PCSK2: variants seen among roughly 807,000 people sequenced by gnomAD.
PCSK2 encodes the protein neuroendocrine convertase 2.
A neutral mutation model predicts 69.7 loss-of-function variants in PCSK2; 14 were observed. The observed-to-expected ratio is 0.20, with a 90% CI of 0.13 to 0.31. PCSK2 has a LOEUF of 0.31. PCSK2 is among the 10% of genes least tolerant of loss of function. The pLI, the probability that PCSK2 is intolerant of heterozygous loss-of-function variation, is 1.00. For synonymous variants in PCSK2, 307 were observed against 320.7 expected (o/e 0.96, Z 0.46); for missense variants, 544 against 842.5 (o/e 0.65, Z 4.39).
chr20:17,267,108 C>T (rs1471415613), intron 2 of PCSK2, among the ~76,000 whole-genome samples: 7 of 152,118 alleles, frequency 4.6e-5, no homozygotes, highest in Non-Finnish European at 1.0e-4. Context: ...GTGCCCAATC[C>T]AGCTCCCCAT....
chr20:17,351,767 G>T (rs1430991353), intron 2 of PCSK2, among the ~76,000 whole-genome samples: 1 of 152,062 alleles, frequency 6.6e-6, no homozygotes, highest in Non-Finnish European at 1.5e-5. Context: ...AAACTGGAAG[G>T]ATTCCCCTTG....
intron 2 of PCSK2, among the ~76,000 whole-genome samples, chr20:17,308,897 G>T (rs181713332): frequency 3.3e-4 from 50 of 152,226 alleles, no homozygotes; most frequent in Admixed American, 2.4e-3. Flanking sequence ...GCTTCTTGAG[G>T]CCTAACCTGA....
At chr20:17,255,495 C>T (rs578019968) in intron 1 of PCSK2, among the ~76,000 whole-genome samples, 1 of 152,224 alleles carries the variant, frequency 6.6e-6, no homozygotes, top group Admixed American at 6.5e-5. Context: ...GAGCCTGCCA[C>T]CACGCCCAGC....
At chr20:17,382,945 C>T (rs1330412653) in intron 5 of PCSK2, among the ~76,000 whole-genome samples, 1 of 152,188 alleles carries the variant, frequency 6.6e-6, no homozygotes, top group Non-Finnish European at 1.5e-5. Context: ...ACTTATATTG[C>T]ACACCCTGTG....
At chr20:17,312,586 C>T (rs1989551178) in intron 2 of PCSK2, among the ~76,000 whole-genome samples, 1 of 152,044 alleles carries the variant, frequency 6.6e-6, no homozygotes, top group South Asian at 2.1e-4. Flanking sequence ...TGACCTGACC[C>T]CCAGTTAGGA....
At chr20:17,448,673 G>A (rs1034243969) in intron 8 of PCSK2, among the ~76,000 whole-genome samples, 2 of 151,978 alleles carry the variant, frequency 1.3e-5, no homozygotes, top group Admixed American at 6.6e-5. Flanking sequence ...AAACACACAT[G>A]GTTGTGATCA....
intron 11 of PCSK2, among the ~76,000 whole-genome samples, chr20:17,467,180 T>G (rs1284942461): frequency 3.9e-5 from 6 of 152,210 alleles, no homozygotes. Context: ...CAATCTTGAC[T>G]TCACCAACTT....
At position 17,329,829 on chromosome 20, in the gene PCSK2, T is replaced by G. The variant is rs1216838281; in HGVS notation, c.283-28498T>G. Among the ~76,000 whole-genome samples the G allele has an allele frequency of 3.3e-5, 5 of 152,320 alleles. No homozygotes were observed. In the East Asian group the frequency reaches 9.6e-4, roughly 29 times the overall value. On this transcript the variant is annotated intron_variant, in intron 2 of 11. Transcript: ENST00000262545. ...CAGTGTGGAAAATTCAAGAAGTATA[T>G]GAAGGAAAAACAGAAATCTCCCTCT... is the stretch of plus-strand genomic sequence containing the variant.
rs78170931 is a variant in PCSK2 at position 17,306,551 on chromosome 20, C to T, written c.282+46207C>T. On this transcript the variant is annotated intron_variant, in intron 2 of 11. Coordinates refer to ENST00000262545, the MANE Select transcript of PCSK2 (RefSeq NM_002594.5). ...AAAAGTTTGACCAGGCCTCATTGCA[C>T]AAGTGGAGTGCTAATGAGAAATGGG... Among the ~76,000 whole-genome samples the T allele has an allele frequency of 3.7e-3, 566 of 152,284 alleles. 8 individuals are homozygous for T. The highest frequency in any genetic ancestry group is 0.012 in the African/African-American group (517 of 41,550).
At chr20:17,370,151 A>G (rs2030715332) in intron 5 of PCSK2, among the ~76,000 whole-genome samples, 1 of 152,230 alleles carries the variant, frequency 6.6e-6, no homozygotes, top group Non-Finnish European at 1.5e-5. Flanking sequence ...ACTTAAAATT[A>G]TCCAAACTAT....
At chr20:17,358,127 G>A (rs974426237) in intron 2 of PCSK2, among the ~76,000 whole-genome samples, 200 bp from the exon 3 acceptor site, 4 of 139,750 alleles carry the variant, frequency 2.9e-5, no homozygotes, top group South Asian at 2.2e-4. Context: ...GAAACATAGC[G>A]AGACCCCCCC....
At position 17,427,845 on chromosome 20, in the gene PCSK2, C is replaced by T. The variant is rs541484612; in HGVS notation, c.621-1590C>T. Among the ~76,000 whole-genome samples, 4 of 152,260 alleles carry T rather than the reference C, an allele frequency of 2.6e-5. No individual in the cohort carries two copies. The South Asian group carries it at 6.2e-4, about 24-fold the overall frequency. On this transcript the variant is annotated intron_variant, in intron 6 of 11. Coordinates refer to ENST00000262545, the MANE Select transcript of PCSK2 (RefSeq NM_002594.5). ...TATGTGTCTTTCATCATCCAATAGG[C>T]TAGCCCGGGCTTACTCACATGGAGC...
intron 5 of PCSK2, among the ~76,000 whole-genome samples, chr20:17,390,703 G>T (rs1434719153): frequency 6.6e-6 from 1 of 152,006 alleles, no homozygotes; most frequent in African/African-American, 2.4e-5. Flanking sequence ...TTCCTTATTT[G>T]CCTTTTTAAT....
intron 7 of PCSK2, among the ~76,000 whole-genome samples, chr20:17,429,762 C>T (rs2032326806): frequency 6.6e-6 from 1 of 151,992 alleles, no homozygotes; most frequent in African/African-American, 2.4e-5. Flanking sequence ...ATGACTTTTC[C>T]CAAACTGGCC....
chr20:17,322,971 C>T (rs537002238), intron 2 of PCSK2, among the ~76,000 whole-genome samples: 1 of 152,258 alleles, frequency 6.6e-6, no homozygotes, highest in African/African-American at 2.4e-5. Flanking sequence ...TCAAGTGATT[C>T]TCCTGCCTCA....
At position 17,481,977 on chromosome 20, in the gene PCSK2, G is replaced by A. The variant is rs752157054; in HGVS notation, c.1824G>A (p.Gln608=). 6.2e-7 allele frequency: 1 copy of A among 1,612,946 alleles called. No individual in the cohort carries two copies. Among genetic ancestry groups the A allele is most frequent in the Non-Finnish European group, 8.5e-7 (1 of 1,179,790 alleles). ...TCGACCAGGTGGTGCGGGATTACCA[G>A]TCCAAGTTGGCCATGTCCAAGAAAG... ...PYIDQVVRDY[Q]SKLAMSKKEE... The change falls in exon 12 of 12, where the codon CAG becomes CAA. Residue 608 remains glutamine, a synonymous_variant. Transcript: ENST00000262545.
chr20:17,470,324 T>C (rs6075213), intron 11 of PCSK2, among the ~76,000 whole-genome samples: 93,084 of 152,054 alleles, frequency 0.61, 29,045 homozygotes, highest in South Asian at 0.78. Flanking sequence ...TTAATTTAAA[T>C]TTAAATAGCA....
rs113487407 is a variant in PCSK2, at chr20:17,481,413, A to AAAAAAGAG, written c.1431-170_1431-169insAAAAGAGA. On this transcript the variant is annotated intron_variant, in intron 11 of 11. Transcript: ENST00000262545. Reference sequence around the variant, plus strand: ...CAAAAAAAAAAAAAAAAAAAAAAAAAAGAGATAAGTAACTTACTCAGGCTC... The same window carrying AAAAAAGAG: ...CAAAAAAAAAAAAAAAAAAAAAAAAAAAAAAGAGAGAGATAAGTAACTTACTCAGGCTC... Among the ~76,000 whole-genome samples the AAAAAAGAG allele has an allele frequency of 1.2e-3, 136 of 115,822 alleles. 17 individuals carry two copies. Among genetic ancestry groups the AAAAAAGAG allele is most frequent in the African/African-American group, 2.4e-3 (62 of 25,834 alleles). The allele number at this position is 115,822 out of a possible 152,430, so 76.0% of individuals were successfully genotyped here. A position where few individuals can be genotyped will look rare whatever the true frequency, so the allele number is the denominator to read the frequency against.
chr20:17,240,026 G>T (rs1426956948), intron 1 of PCSK2, among the ~76,000 whole-genome samples: 1 of 151,578 alleles, frequency 6.6e-6, no homozygotes, highest in African/African-American at 2.4e-5. Context: ...GCTAAATTTT[G>T]TATTTTTAGT....
Sources: allele counts gnomAD v4.1 joint callset (sites outside exome capture counted in the v4.1 genomes callset), GRCh38; gene constraint gnomAD v4.1.1; transcripts MANE v1.5; gene names NCBI Gene and HGNC (gene_info 2026-07-23, HGNC 2026-07-21).